CDHR1: variants seen among roughly 807,000 people sequenced by gnomAD.
The protein encoded by CDHR1 is cadherin-related family member 1.
CDHR1 carries 61 observed loss-of-function variants against 72.1 expected under a neutral mutation model. The ratio of observed to expected loss-of-function variants is 0.85; its 90% CI spans 0.69 to 1.05. The LOEUF is 1.05. Among genes scored for constraint, CDHR1 ranks in the 50% least tolerant of loss-of-function variants. The pLI is 0.00. For synonymous variants in CDHR1, 470 were observed against 448.1 expected, an observed-to-expected ratio of 1.05 and a Z score of -0.62; for missense variants, 1,186 against 1,115.7, an observed-to-expected ratio of 1.06 and a Z score of -0.90.
chr10:84,216,882 A>G lies in CDHR1; in HGVS notation c.*2261A>G, dbSNP rs932960982. The G allele has an allele frequency of 1.0e-6, 1 of 985,384 alleles. No homozygotes were observed. Among genetic ancestry groups the G allele is most frequent in the Admixed American group, 6.1e-5 (1 of 16,266 alleles). 61.0% of individuals were successfully genotyped at this position (985,384 alleles called of 1,614,324 possible). On this transcript the variant is annotated 3_prime_UTR_variant, in exon 17 of 17. Coordinates refer to ENST00000623527, the MANE Select transcript of CDHR1 (RefSeq NM_033100.4). ...AGGAATTGGGAGGCCTAGGGTGGGC[A>G]TGAAAGCTTGGGAAGCACTGTCGTC...
rs748239354 is a variant in CDHR1 at position 84,208,166 on chromosome 10, C to A, written c.964-8C>A. On this transcript the variant is annotated splice_polypyrimidine_tract_variant and splice_region_variant and intron_variant, in intron 10 of 16. Coordinates refer to ENST00000623527, the MANE Select transcript of CDHR1 (RefSeq NM_033100.4). ...CCACACAGCCATAGCCACTTGTCCCCATCCCAGGTGACTGAAATGAGCCCT... is the reference window on the plus strand; with the variant it reads ...CCACACAGCCATAGCCACTTGTCCCAATCCCAGGTGACTGAAATGAGCCCT... 1.2e-6 allele frequency: 2 copies of A among 1,613,748 alleles called. No homozygotes were observed. The highest frequency in any genetic ancestry group is 1.7e-6 in the Non-Finnish European group (2 of 1,179,666).
At position 84,217,204 on chromosome 10, in the gene CDHR1, C is replaced by G. The variant is rs1319843647; in HGVS notation, c.*2583C>G. 1.0e-6 allele frequency: 1 copy of G among 985,424 alleles called. No individual in the cohort carries two copies. The highest frequency in any genetic ancestry group is 1.7e-5 in the African/African-American group (1 of 57,250). 61.0% of individuals were successfully genotyped at this position (985,424 alleles called of 1,614,324 possible). On this transcript the variant is annotated 3_prime_UTR_variant, in exon 17 of 17. Transcript: ENST00000623527. Reference sequence around the variant, plus strand: ...TACGAATGGTGGGCCAAGGGGCTGTCTGCTAGGTCCCAGTAGGACAGGCAG... The same window carrying G: ...TACGAATGGTGGGCCAAGGGGCTGTGTGCTAGGTCCCAGTAGGACAGGCAG...
At position 84,209,591 on chromosome 10, in the gene CDHR1, A is replaced by G. The variant is rs1382194628; in HGVS notation, c.1320+710A>G. 2.0e-5 allele frequency among the ~76,000 whole-genome samples: 3 copies of G among 151,562 alleles called. No homozygotes were observed. In the East Asian group the frequency reaches 5.9e-4, roughly 30 times the overall value. On this transcript the variant is annotated intron_variant, in intron 12 of 16. Coordinates refer to ENST00000623527, the MANE Select transcript of CDHR1 (RefSeq NM_033100.4). ...TTAGAAAGGAGGAAAAAAGACAGTC[A>G]TTATTTGCAGGTGATGATTGTTTGC...
intron 12 of CDHR1, 81 bp downstream of exon 12, chr10:84,208,962 G>T: frequency 1.4e-6 from 2 of 1,431,712 alleles, no homozygotes; most frequent in Non-Finnish European, 1.9e-6. Context: ...TTCCTGAGGG[G>T]TCTCTTGTCA....
Position 84,214,536 on chromosome 10 carries a change from T to C in CDHR1, c.2495T>C (p.Met832Thr). ...CAACCCCCGCCAAAACCCAAAACTATGGGAAGCCCCGTCCAGTCAACTCTG... is the reference window on the plus strand; with the variant it reads ...CAACCCCCGCCAAAACCCAAAACTACGGGAAGCCCCGTCCAGTCAACTCTG... ...PTQPPPKPKTMGSPVQSTLIS... is the reference protein window; with the variant it reads ...PTQPPPKPKTTGSPVQSTLIS... Residue 832 changes from methionine (M) to threonine (T), a missense_variant, in exon 17 of 17, where the codon ATG becomes ACG. Met to Thr is a moderately conservative substitution (Grantham distance 81). Transcript: ENST00000623527. The C allele has an allele frequency of 6.2e-7, 1 of 1,602,702 alleles. No individual in the cohort carries two copies. Among genetic ancestry groups the C allele is most frequent in the Non-Finnish European group, 8.5e-7 (1 of 1,179,874 alleles).
chr10:84,204,698 T>C, intron 9 of CDHR1, 93 bp downstream of exon 9: 1 of 843,768 alleles, frequency 1.2e-6, no homozygotes, highest in East Asian at 2.4e-5. Flanking sequence ...CTCCCTCACC[T>C]GTAGGACCAG....
chr10:84,213,887 T>C (rs776547689), intron 16 of CDHR1, among the ~76,000 whole-genome samples, 195 bp from the exon 17 acceptor site: 15 of 152,250 alleles, frequency 9.9e-5, no homozygotes, highest in Admixed American at 5.2e-4. Flanking sequence ...TGCATTTTTC[T>C]GGAGAACTGC....
Position 84,208,282 on chromosome 10 carries a change from G to T in CDHR1, c.1072G>T (p.Gly358Ter). The stretch of plus-strand genomic sequence containing the variant: ...CCCGCCAACATTCTATGGAGAGAGC[G>T]GACCCCAAAACAGGTTTGAGCTGTC... The part of the protein sequence containing the change: ...NHPPTFYGES[G>*]PQNRFELSMN... Residue 358 changes from glycine to a stop codon, truncating the protein, a stop_gained, in exon 11 of 17, where the codon GGA becomes TGA. Transcript: ENST00000623527. LOFTEE classifies it high-confidence loss of function. The T allele has an allele frequency of 6.2e-7, 1 of 1,614,086 alleles. No homozygotes were observed. The highest frequency in any genetic ancestry group is 8.5e-7 in the Non-Finnish European group (1 of 1,180,012).
At chr10:84,203,428 T>G (rs1486700251) in intron 8 of CDHR1, among the ~76,000 whole-genome samples, 1 of 152,188 alleles carries the variant, frequency 6.6e-6, no homozygotes, top group East Asian at 1.9e-4. Flanking sequence ...TGACTTTTTT[T>G]TTTTGGAAAC....
intron 15 of CDHR1, chr10:84,212,848 C>T (rs945544434): frequency 5.0e-6 from 3 of 600,418 alleles, no homozygotes; most frequent in Non-Finnish European, 8.9e-6. Context: ...AATATGGATT[C>T]ACCAATATTT....
In CDHR1 at chr10:84,214,890, C is replaced by T. The variant is rs375246992; in HGVS notation, c.*269C>T. 7.4e-5 allele frequency: 105 copies of T among 1,411,752 alleles called. 1 individual carries two copies. The East Asian group carries it at 9.6e-4, about 13-fold the overall frequency. The allele number at this position is 1,411,752 out of a possible 1,614,324, so 87.5% of individuals were successfully genotyped here. On this transcript the variant is annotated 3_prime_UTR_variant, in exon 17 of 17. Coordinates refer to ENST00000623527, the MANE Select transcript of CDHR1 (RefSeq NM_033100.4). ...CCCGTTACTCAAATCCTTGGCACTA[C>T]TACAATGCCCTCCATTCTTCAGGGC...
rs1842136752 is a variant in CDHR1 at position 84,202,001 on chromosome 10, G to A, written c.639+81G>A. Reference sequence around the variant, plus strand: ...CAAGTTAGGTTCTACAGGGGAGTGGGAGCAGTTTGGAGAGCAGGAGACATG... The same window carrying A: ...CAAGTTAGGTTCTACAGGGGAGTGGAAGCAGTTTGGAGAGCAGGAGACATG... On this transcript the variant is annotated intron_variant, in intron 7 of 16. Transcript: ENST00000623527. The A allele has an allele frequency of 3.9e-6, 4 of 1,020,990 alleles. No homozygotes were observed. In the Admixed American group the frequency reaches 7.7e-5, roughly 20 times the overall value. The allele number at this position is 1,020,990 out of a possible 1,614,324, so 63.2% of individuals were successfully genotyped here.
At chr10:84,208,693 T>C in intron 11 of CDHR1, 36 bp from the exon 12 acceptor site, 1 of 1,601,650 alleles carries the variant, frequency 6.2e-7, no homozygotes, top group African/African-American at 1.3e-5. Context: ...TCTATCATCA[T>C]TCATCTTCCT....
chr10:84,211,521 A>G lies in CDHR1; in HGVS notation c.1486-127A>G, dbSNP rs73317904. ...GGATCCCGGGCAGGTCTCTCCACCA[A>G]TTTCTCCCCAGTTGGGCAAACCCCA... is the stretch of plus-strand genomic sequence containing the variant. On this transcript the variant is annotated intron_variant, in intron 13 of 16. Coordinates refer to ENST00000623527, the MANE Select transcript of CDHR1 (RefSeq NM_033100.4). The G allele has an allele frequency of 8.5e-3, 7,191 of 847,178 alleles. 300 individuals carry two copies. In the African/African-American group the frequency reaches 0.099, roughly 12 times the overall value. 52.5% of individuals were successfully genotyped at this position (847,178 alleles called of 1,614,324 possible). A position where few individuals can be genotyped will look rare whatever the true frequency, so the allele number is the denominator to read the frequency against.
intron 1 of CDHR1, 75 bp from the exon 2 acceptor site, chr10:84,195,419 G>C (rs1182194686): frequency 3.7e-6 from 5 of 1,364,636 alleles, no homozygotes; most frequent in African/African-American, 1.4e-5. Context: ...GCGGGACCGC[G>C]CTGGTGCGAA....
Position 84,195,573 on chromosome 10 carries a change from A to G in CDHR1, c.135A>G (p.Pro45=). 2.5e-6 allele frequency: 4 copies of G among 1,614,066 alleles called. No individual in the cohort carries two copies. Among genetic ancestry groups the G allele is most frequent in the Non-Finnish European group, 3.4e-6 (4 of 1,179,934 alleles). ...TNGNMALFSL[P]EDTPVGSHVY... Reference sequence around the variant, plus strand: ...GAAACATGGCTCTGTTCAGCCTCCCAGAGGACACCCCTGTAGGTGAGTAGC... The same window carrying G: ...GAAACATGGCTCTGTTCAGCCTCCCGGAGGACACCCCTGTAGGTGAGTAGC... The change falls in exon 2 of 17, where the codon CCA becomes CCG. Residue 45 remains proline (P), a synonymous_variant. Transcript: ENST00000623527.
rs529097318 is a variant in CDHR1 at position 84,208,620 on chromosome 10, TC to T, written c.1168-108del. The T allele has an allele frequency of 2.9e-4, 356 of 1,220,546 alleles. 2 individuals carry two copies. In the African/African-American group the frequency reaches 4.8e-3, roughly 17 times the overall value. The allele number at this position is 1,220,546 out of a possible 1,614,324, so 75.6% of individuals were successfully genotyped here. ...AAGGAAAAGTCAGATGCAGAAACTC[TC>T]TTAATAATATCTCCCAGGGTTAAGG... On this transcript the variant is annotated intron_variant, in intron 11 of 16. Transcript: ENST00000623527.
chr10:84,210,898 C>A, intron 12 of CDHR1, 103 bp from the exon 13 acceptor site: 1 of 1,296,996 alleles, frequency 7.7e-7, no homozygotes, highest in Non-Finnish European at 1.1e-6. Flanking sequence ...GATCGGGAGA[C>A]ACGGCAGATG....
chr10:84,208,996 T>C (rs1842281878), intron 12 of CDHR1, 115 bp downstream of exon 12: 1 of 1,153,154 alleles, frequency 8.7e-7, no homozygotes. Context: ...CTGGCCCTAC[T>C]CTTTTCTTCT....
Sources: allele counts gnomAD v4.1 joint callset (sites outside exome capture counted in the v4.1 genomes callset), GRCh38; gene constraint gnomAD v4.1.1; transcripts MANE v1.5; gene names NCBI Gene and HGNC (gene_info 2026-07-23, HGNC 2026-07-21).